The following MYT1L variants were observed in gnomAD, a reference collection of about 807,000 sequenced individuals.
The protein encoded by MYT1L is myelin transcription factor 1-like protein.
Under a neutral mutation model 126.7 loss-of-function variants are expected in MYT1L, and 12 were observed. That is an observed-to-expected ratio of 0.09 (90% CI 0.06 to 0.15). The LOEUF (loss-of-function observed/expected upper bound fraction) is 0.15, where lower values mean the gene tolerates loss of function less well. Ranked by LOEUF, MYT1L falls within the 10% of genes least tolerant of loss-of-function variation. MYT1L has a pLI of 1.00. For synonymous variants in MYT1L, 541 were observed against 604.2 expected (o/e 0.90, Z 1.53); for missense variants, 979 against 1,585.2 (o/e 0.62, Z 6.49).
intron 3 of MYT1L, among the ~76,000 whole-genome samples, chr2:2,102,284 A>G (rs938384520): frequency 1.6e-4 from 25 of 152,206 alleles, no homozygotes; most frequent in Non-Finnish European, 1.2e-4. Flanking sequence ...ATCCCTCCAA[A>G]CTGTTATGAG....
intron 18 of MYT1L, among the ~76,000 whole-genome samples, chr2:1,883,440 A>C (rs1402879547): frequency 1.3e-5 from 2 of 152,224 alleles, no homozygotes; most frequent in Admixed American, 6.5e-5. Flanking sequence ...TAGGTTTTGC[A>C]AGCTCTTTCC....
intron 2 of MYT1L, among the ~76,000 whole-genome samples, chr2:2,237,374 A>G (rs776830811): frequency 1.3e-5 from 2 of 152,170 alleles, no homozygotes; most frequent in African/African-American, 2.4e-5. Context: ...AAACCAGGGC[A>G]GGAGAAAAGG....
chr2:2,026,101 C>T (rs1271398743), intron 4 of MYT1L, among the ~76,000 whole-genome samples: 6 of 152,234 alleles, frequency 3.9e-5, no homozygotes, highest in Admixed American at 3.3e-4. Context: ...AGTTAGGGGT[C>T]TAGGGCTTGA....
rs11298177 is a variant in MYT1L, at chr2:2,222,495, CAA to C, written c.-420-49509_-420-49508del. Among the ~76,000 whole-genome samples the C allele has an allele frequency of 6.0e-4, 89 of 149,382 alleles. 1 individual carries two copies. The highest frequency in any genetic ancestry group is 7.7e-4 in the Non-Finnish European group (52 of 67,266). On this transcript the variant is annotated intron_variant, in intron 2 of 24. Transcript: ENST00000647738. ...TGGGTGACAGAGTGAGACTTTGTCT[CAA>C]AAAAAAAAAATTTTTTTTTGGTATT...
intron 21 of MYT1L, 52 bp from the exon 22 acceptor site, chr2:1,809,219 C>G: frequency 6.5e-7 from 1 of 1,534,346 alleles, no homozygotes. Context: ...TGTCCCAGCC[C>G]TGCAGGGAAG....
At chr2:2,075,039 G>A (rs774084459) in intron 3 of MYT1L, among the ~76,000 whole-genome samples, 17 of 152,174 alleles carry the variant, frequency 1.1e-4, no homozygotes, top group African/African-American at 3.1e-4. Flanking sequence ...ACAATCCCAC[G>A]GGTAGTAGAG....
intron 2 of MYT1L, among the ~76,000 whole-genome samples, chr2:2,206,290 A>G (rs1379649524): frequency 6.6e-6 from 1 of 152,068 alleles, no homozygotes; most frequent in African/African-American, 2.4e-5. Flanking sequence ...GCTGTACCAT[A>G]CTTTCATGTC....
chr2:2,014,758 G>A (rs1023029106), intron 4 of MYT1L, among the ~76,000 whole-genome samples: 7 of 152,240 alleles, frequency 4.6e-5, no homozygotes, highest in African/African-American at 1.7e-4. Flanking sequence ...ATGCTGGGGC[G>A]AGCAAGAGGA....
intron 2 of MYT1L, among the ~76,000 whole-genome samples, chr2:2,280,732 G>A (rs1451977446): frequency 6.6e-6 from 1 of 152,212 alleles, no homozygotes; most frequent in Non-Finnish European, 1.5e-5. Context: ...CCCATCAGGA[G>A]GTGGAGAGGA....
intron 19 of MYT1L, among the ~76,000 whole-genome samples, chr2:1,845,819 T>C (rs2042418756): frequency 6.6e-6 from 1 of 152,238 alleles, no homozygotes; most frequent in Admixed American, 6.5e-5. Context: ...CCTGAAACTG[T>C]TGCCAAACTG....
chr2:2,283,000 C>T (rs1405148442), intron 2 of MYT1L, among the ~76,000 whole-genome samples: 5 of 152,064 alleles, frequency 3.3e-5, no homozygotes, highest in East Asian at 1.9e-4. Context: ...CCTTGAACCC[C>T]GGAGGGAGAG....
At chr2:2,002,816 G>C (rs1417855380) in intron 4 of MYT1L, among the ~76,000 whole-genome samples, 1 of 152,114 alleles carries the variant, frequency 6.6e-6, no homozygotes. Context: ...TCTCATGATA[G>C]AGAGTGAGTT....
intron 4 of MYT1L, among the ~76,000 whole-genome samples, chr2:2,000,854 T>C (rs2062297049): frequency 6.6e-6 from 1 of 152,194 alleles, no homozygotes; most frequent in African/African-American, 2.4e-5. Flanking sequence ...GGCTATTTTA[T>C]TCTATGCTAT....
chr2:2,130,042 ATAT>A (rs1004194695), intron 3 of MYT1L, among the ~76,000 whole-genome samples: 1 of 152,178 alleles, frequency 6.6e-6, no homozygotes, highest in Non-Finnish European at 1.5e-5. Flanking sequence ...GTATTCATAA[ATAT>A]TATCAGCAAT....
At chr2:1,983,181 C>T (rs967465179) in intron 5 of MYT1L, among the ~76,000 whole-genome samples, 3 of 152,246 alleles carry the variant, frequency 2.0e-5, no homozygotes, top group East Asian at 1.9e-4. Flanking sequence ...CCTCCTCCGT[C>T]GGTTCCTTCC....
At chr2:1,851,162 G>A (rs1028647800) in intron 19 of MYT1L, among the ~76,000 whole-genome samples, 1 of 151,962 alleles carries the variant, frequency 6.6e-6, no homozygotes, top group African/African-American at 2.4e-5. Context: ...CTTCTTTTTG[G>A]GAGAGACAGT....
chr2:1,965,850 G>T (rs1377691366), intron 8 of MYT1L, among the ~76,000 whole-genome samples: 2 of 152,262 alleles, frequency 1.3e-5, no homozygotes, highest in African/African-American at 4.8e-5. Flanking sequence ...GCGGACAAGG[G>T]ACTCAGGGAA....
At chr2:1,965,740 T>C (rs1452857495) in intron 8 of MYT1L, among the ~76,000 whole-genome samples, 1 of 152,178 alleles carries the variant, frequency 6.6e-6, no homozygotes, top group Non-Finnish European at 1.5e-5. Context: ...CACGAATGCA[T>C]GTGGGCACCG....
At chr2:1,972,226 T>G (rs777421976) in intron 8 of MYT1L, among the ~76,000 whole-genome samples, 9 of 152,198 alleles carry the variant, frequency 5.9e-5, no homozygotes, top group Non-Finnish European at 1.0e-4. Flanking sequence ...AATTAGAGCA[T>G]TCAGCAGACA....
Sources: allele counts gnomAD v4.1 joint callset (sites outside exome capture counted in the v4.1 genomes callset), GRCh38; gene constraint gnomAD v4.1.1; transcripts MANE v1.5; gene names NCBI Gene and HGNC (gene_info 2026-07-23, HGNC 2026-07-21).